PCCA: variants seen among roughly 807,000 people sequenced by gnomAD.
PCCA encodes propionyl-CoA carboxylase alpha chain, mitochondrial.
PCCA carries 74 observed loss-of-function variants against 101.3 expected under a neutral mutation model. The observed-to-expected ratio is 0.73, with a 90% CI of 0.61 to 0.89. The LOEUF (loss-of-function observed/expected upper bound fraction) is 0.89, where lower values mean the gene tolerates loss of function less well. Among genes scored for constraint, PCCA ranks in the 40% least tolerant of loss-of-function variants. The pLI, the probability that PCCA is intolerant of heterozygous loss-of-function variation, is 0.00. For missense variants in PCCA, 891 were observed against 907.0 expected (o/e 0.98, Z 0.23); for synonymous variants, 294 against 313.6 (o/e 0.94, Z 0.66).
intron 12 of PCCA, among the ~76,000 whole-genome samples, chr13:100,296,418 T>A (rs1595172494): frequency 6.9e-6 from 1 of 144,292 alleles, no homozygotes; most frequent in Non-Finnish European, 1.5e-5. Flanking sequence ...TTTTTTGTAT[T>A]TTTTTTTTTT....
chr13:100,185,318 TTCTC>T (rs1267033892), intron 6 of PCCA, among the ~76,000 whole-genome samples: 2 of 152,138 alleles, frequency 1.3e-5, no homozygotes, highest in African/African-American at 4.8e-5. Context: ...CTTTGTTTCT[TTCTC>T]TCTTTTTATC....
chr13:100,157,984 G>A (rs1410979728), intron 6 of PCCA, among the ~76,000 whole-genome samples: 1 of 152,216 alleles, frequency 6.6e-6, no homozygotes, highest in Non-Finnish European at 1.5e-5. Flanking sequence ...TTGCTTAACA[G>A]CGTGAATACA....
intron 6 of PCCA, among the ~76,000 whole-genome samples, chr13:100,172,282 A>G (rs1336303845): frequency 6.6e-6 from 1 of 152,068 alleles, no homozygotes; most frequent in Non-Finnish European, 1.5e-5. Flanking sequence ...AAGGAAGTTT[A>G]ATGTCTTTGG....
At chr13:100,510,898 C>T (rs1189464061) in intron 21 of PCCA, among the ~76,000 whole-genome samples, 4 of 152,262 alleles carry the variant, frequency 2.6e-5, no homozygotes, top group Non-Finnish European at 5.9e-5. Flanking sequence ...TAGCTGCTGC[C>T]TGTCCATGTC....
chr13:100,466,924 C>T (rs1165896249), intron 21 of PCCA, among the ~76,000 whole-genome samples: 1 of 152,122 alleles, frequency 6.6e-6, no homozygotes, highest in Non-Finnish European at 1.5e-5. Flanking sequence ...AAGATTGTAC[C>T]ACTCCTTTCC....
chr13:100,268,236 A>T (rs890450239), intron 10 of PCCA, among the ~76,000 whole-genome samples: 1 of 152,200 alleles, frequency 6.6e-6, no homozygotes, highest in East Asian at 1.9e-4. Flanking sequence ...ACATCCATAG[A>T]TAGATAACAG....
intron 4 of PCCA, among the ~76,000 whole-genome samples, chr13:100,126,278 ATGG>A (rs1403605991): frequency 6.6e-6 from 1 of 151,674 alleles, no homozygotes; most frequent in African/African-American, 2.4e-5. Context: ...TGTTTATAGT[ATGG>A]TATCTTTTTT....
Position 100,530,384 on chromosome 13 carries a change from T to C in PCCA, c.*218T>C. 3 of 610,534 alleles carry C rather than the reference T, an allele frequency of 4.9e-6. No homozygotes were observed. In the South Asian group the frequency reaches 5.8e-5, roughly 12 times the overall value. 37.8% of individuals were successfully genotyped at this position (610,534 alleles called of 1,614,324 possible). A position where few individuals can be genotyped will look rare whatever the true frequency, so the allele number is the denominator to read the frequency against. On this transcript the variant is annotated 3_prime_UTR_variant, in exon 24 of 24. Coordinates refer to ENST00000376285, the MANE Select transcript of PCCA (RefSeq NM_000282.4). ...GTACATATGATTTGTACTTCTGCTG[T>C]GAGATTCCCTAGTGTCAAAATTAAA... is the stretch of plus-strand genomic sequence containing the variant.
intron 18 of PCCA, among the ~76,000 whole-genome samples, chr13:100,354,334 G>T (rs1447662413): frequency 1.0e-5 from 1 of 100,278 alleles, no homozygotes; most frequent in African/African-American, 3.7e-5. Flanking sequence ...AGAAAGAGAG[G>T]GGGCGGTGGG....
rs1412095848 is a variant in PCCA, at chr13:100,254,626, T to C, written c.638-2969T>C. Among the ~76,000 whole-genome samples the C allele has an allele frequency of 2.0e-5, 3 of 152,182 alleles. No individual in the cohort carries two copies. In the East Asian group the frequency reaches 5.8e-4, roughly 29 times the overall value. On this transcript the variant is annotated intron_variant, in intron 8 of 23. Coordinates refer to ENST00000376285, the MANE Select transcript of PCCA (RefSeq NM_000282.4). ...AACTGTTGGATATTATTTAACATTATCTGTGTGGATTATTCTTTTCCCTCC... is the reference window on the plus strand; with the variant it reads ...AACTGTTGGATATTATTTAACATTACCTGTGTGGATTATTCTTTTCCCTCC...
chr13:100,425,060 T>C (rs899451148), intron 19 of PCCA, among the ~76,000 whole-genome samples: 4 of 152,232 alleles, frequency 2.6e-5, no homozygotes, highest in Admixed American at 6.5e-5. Context: ...GGGTCTTTTT[T>C]TGCATATTCA....
intron 6 of PCCA, among the ~76,000 whole-genome samples, chr13:100,167,432 C>T (rs1222834281): frequency 6.6e-6 from 1 of 151,996 alleles, no homozygotes; most frequent in African/African-American, 2.4e-5. Context: ...CAGCTGTAGT[C>T]CTAGCTGCTT....
At chr13:100,435,873 G>T (rs1305507823) in intron 20 of PCCA, among the ~76,000 whole-genome samples, 1 of 151,878 alleles carries the variant, frequency 6.6e-6, no homozygotes, top group East Asian at 1.9e-4. Flanking sequence ...GTGAAACCCC[G>T]TCTCTACTAA....
chr13:100,498,769 GT>G (rs2085458577), intron 21 of PCCA, among the ~76,000 whole-genome samples: 1 of 152,082 alleles, frequency 6.6e-6, no homozygotes, highest in Non-Finnish European at 1.5e-5. Flanking sequence ...GTCTTTGTAG[GT>G]TTATTCCACT....
rs368373217 is a variant in PCCA, at chr13:100,346,849, G to A, written c.1643+6590G>A. ...AAGATTATGACTCACTAAAGGCTCA[G>A]ATGAGGGTTAGCATTTTTTTAGTAA... On this transcript the variant is annotated intron_variant, in intron 18 of 23. Coordinates refer to ENST00000376285, the MANE Select transcript of PCCA (RefSeq NM_000282.4). 3.9e-5 allele frequency among the ~76,000 whole-genome samples: 6 copies of A among 152,220 alleles called. No individual in the cohort carries two copies. The East Asian group carries it at 1.2e-3, about 29-fold the overall frequency.
At position 100,377,485 on chromosome 13, in the gene PCCA, TTTTTA is replaced by T. The variant is rs1052808165; in HGVS notation, c.1746+8931_1746+8935del. 3.3e-5 allele frequency among the ~76,000 whole-genome samples: 5 copies of T among 152,130 alleles called. No individual in the cohort carries two copies. In the South Asian group the frequency reaches 6.2e-4, roughly 19 times the overall value. On this transcript the variant is annotated intron_variant, in intron 19 of 23. Transcript: ENST00000376285. ...TTTATTCAGTCAGCCAGCCTCCATC[TTTTTA>T]TTTTATTTTATTTTATTTTTTTGAG...
intron 21 of PCCA, among the ~76,000 whole-genome samples, chr13:100,459,068 C>T (rs2081997166): frequency 6.6e-6 from 1 of 152,092 alleles, no homozygotes; most frequent in Admixed American, 6.5e-5. Flanking sequence ...TCCTGGCAGT[C>T]CTTGCCTTCC....
chr13:100,097,071 C>G (rs1219331713), intron 1 of PCCA, among the ~76,000 whole-genome samples: 1 of 152,130 alleles, frequency 6.6e-6, no homozygotes, highest in Non-Finnish European at 1.5e-5. Context: ...TTAATTGGAC[C>G]TGAACCTACA....
intron 4 of PCCA, among the ~76,000 whole-genome samples, chr13:100,121,050 C>T (rs1278277711): frequency 1.3e-5 from 2 of 151,322 alleles, no homozygotes; most frequent in African/African-American, 4.9e-5. Flanking sequence ...AAATTAGTTG[C>T]AAGTCTGTAG....
Sources: gnomAD v4.1 joint callset for allele counts (sites outside exome capture counted in the v4.1 genomes callset) on GRCh38, gnomAD v4.1.1 for gene constraint, MANE v1.5 for transcripts, NCBI Gene and HGNC (gene_info 2026-07-23, HGNC 2026-07-21) for gene names.